CACNA2D1: variants seen among roughly 807,000 people sequenced by gnomAD.
The protein encoded by CACNA2D1 is calcium voltage-gated channel auxiliary subunit alpha2delta 1, also known as voltage-dependent calcium channel subunit alpha-2/delta-1.
Under a neutral mutation model 171.5 loss-of-function variants are expected in CACNA2D1, and 53 were observed. The ratio of observed to expected loss-of-function variants is 0.31; its 90% CI spans 0.25 to 0.39. The LOEUF (loss-of-function observed/expected upper bound fraction) is 0.39. Among genes scored for constraint, CACNA2D1 ranks in the 10% least tolerant of loss-of-function variants. CACNA2D1 has a pLI of 1.00. For missense variants in CACNA2D1, 903 were observed against 1,299.8 expected (o/e 0.69, Z 4.69); for synonymous variants, 442 against 443.1 (o/e 1.00, Z 0.03).
intron 6 of CACNA2D1, among the ~76,000 whole-genome samples, chr7:82,088,245 T>G (rs917514940): frequency 6.6e-6 from 1 of 152,156 alleles, no homozygotes; most frequent in Non-Finnish European, 1.5e-5. Flanking sequence ...TAGACAGTAT[T>G]TTTAGTCTCT....
chr7:82,245,258 T>A (rs749106592), intron 3 of CACNA2D1, among the ~76,000 whole-genome samples: 47 of 152,204 alleles, frequency 3.1e-4, no homozygotes, highest in Non-Finnish European at 2.4e-4. Context: ...GTCTACTGTC[T>A]TCCTCACATC....
intron 6 of CACNA2D1, among the ~76,000 whole-genome samples, chr7:82,092,905 A>C (rs930617940): frequency 6.6e-6 from 1 of 152,140 alleles, no homozygotes; most frequent in Non-Finnish European, 1.5e-5. Context: ...AAAACATCAG[A>C]AACTCTGAGA....
At chr7:82,036,380 A>G (rs1803289780) in intron 11 of CACNA2D1, among the ~76,000 whole-genome samples, 1 of 152,086 alleles carries the variant, frequency 6.6e-6, no homozygotes, top group South Asian at 2.1e-4. Flanking sequence ...GCCATCTGCA[A>G]TTTTTTACTG....
At chr7:82,152,022 TAAG>T (rs923590809) in intron 4 of CACNA2D1, among the ~76,000 whole-genome samples, 1 of 151,950 alleles carries the variant, frequency 6.6e-6, no homozygotes, top group Admixed American at 6.6e-5. Context: ...TAGAAACACA[TAAG>T]AAGAACAAGT....
chr7:82,091,878 C>T (rs931560652), intron 6 of CACNA2D1, among the ~76,000 whole-genome samples: 8 of 152,130 alleles, frequency 5.3e-5, no homozygotes, highest in African/African-American at 1.9e-4. Context: ...TGCTTCTGTT[C>T]TATTCGTCTA....
intron 6 of CACNA2D1, among the ~76,000 whole-genome samples, chr7:82,091,424 C>A (rs1318467724): frequency 3.9e-5 from 6 of 152,226 alleles, no homozygotes; most frequent in African/African-American, 1.2e-4. Flanking sequence ...CTGGCCTTGC[C>A]CCCTATCACT....
chr7:82,203,754 T>C (rs943740695), intron 3 of CACNA2D1, among the ~76,000 whole-genome samples: 2 of 152,196 alleles, frequency 1.3e-5, no homozygotes, highest in Non-Finnish European at 2.9e-5. Flanking sequence ...GCTCCATTAT[T>C]CATTGACAGA....
intron 6 of CACNA2D1, among the ~76,000 whole-genome samples, chr7:82,103,777 T>C (rs1446543765): frequency 1.3e-5 from 2 of 152,118 alleles, no homozygotes; most frequent in African/African-American, 2.4e-5. Context: ...ATGAGTAAAA[T>C]ATATTTAACT....
At chr7:82,373,494 CT>C (rs1822649824) in intron 1 of CACNA2D1, among the ~76,000 whole-genome samples, 1 of 152,114 alleles carries the variant, frequency 6.6e-6, no homozygotes, top group South Asian at 2.1e-4. Context: ...TCAATTCCCC[CT>C]TTTTAATTGT....
chr7:82,227,393 A>C (rs569093644), intron 3 of CACNA2D1, among the ~76,000 whole-genome samples: 2 of 152,322 alleles, frequency 1.3e-5, no homozygotes, highest in Non-Finnish European at 2.9e-5. Flanking sequence ...CAACTTGGTA[A>C]TGATTTTGGG....
chr7:82,286,133 C>T (rs1029984462), intron 3 of CACNA2D1, among the ~76,000 whole-genome samples: 1 of 152,000 alleles, frequency 6.6e-6, no homozygotes, highest in East Asian at 1.9e-4. Context: ...GCTTATTTAA[C>T]ATTTGTGTGT....
At chr7:82,044,100 G>T (rs1178605449) in intron 10 of CACNA2D1, among the ~76,000 whole-genome samples, 1 of 152,082 alleles carries the variant, frequency 6.6e-6, no homozygotes, top group Non-Finnish European at 1.5e-5. Flanking sequence ...GCCCAGACTG[G>T]TTTCGAATTC....
At chr7:82,432,823 C>A (rs1829809008) in intron 1 of CACNA2D1, among the ~76,000 whole-genome samples, 2 of 152,128 alleles carry the variant, frequency 1.3e-5, no homozygotes, top group African/African-American at 4.8e-5. Context: ...ACTATTTGTT[C>A]TTTTATCTGT....
At chr7:82,431,814 G>A (rs1829705860) in intron 1 of CACNA2D1, among the ~76,000 whole-genome samples, 1 of 151,844 alleles carries the variant, frequency 6.6e-6, no homozygotes, top group Non-Finnish European at 1.5e-5. Context: ...TGAGGTGGGT[G>A]GATTACTGAG....
At chr7:82,228,778 C>T (rs2129272221) in intron 3 of CACNA2D1, among the ~76,000 whole-genome samples, 1 of 152,166 alleles carries the variant, frequency 6.6e-6, no homozygotes, top group Non-Finnish European at 1.5e-5. Flanking sequence ...ATTTTCTACC[C>T]TTTGCTCTAA....
chr7:82,229,002 T>C lies in CACNA2D1; in HGVS notation c.295-58393A>G, dbSNP rs913304095. On this transcript the variant is annotated intron_variant, in intron 3 of 38. Coordinates refer to ENST00000356860, the MANE Select transcript of CACNA2D1 (RefSeq NM_000722.4). ...AGCTTGAGAATGACTATTCCATATA[T>C]GTCACAGAAAATCTTGGCTTTTTAA... 3.3e-5 allele frequency among the ~76,000 whole-genome samples: 5 copies of C among 152,168 alleles called. No individual in the cohort carries two copies. In the East Asian group the frequency reaches 9.6e-4, roughly 29 times the overall value.
intron 3 of CACNA2D1, among the ~76,000 whole-genome samples, chr7:82,174,149 T>C (rs1482635942): frequency 2.2e-5 from 3 of 134,590 alleles, no homozygotes; most frequent in South Asian, 5.1e-4. Flanking sequence ...AAGTATATCC[T>C]GTAACAATAA....
chr7:82,116,621 G>C (rs1379991612), intron 6 of CACNA2D1, among the ~76,000 whole-genome samples: 1 of 152,160 alleles, frequency 6.6e-6, no homozygotes, highest in Non-Finnish European at 1.5e-5. Flanking sequence ...GACATGAGAA[G>C]TCATAAGAAC....
At chr7:82,033,618 A>T (rs1023450026) in intron 11 of CACNA2D1, among the ~76,000 whole-genome samples, 2 of 152,030 alleles carry the variant, frequency 1.3e-5, no homozygotes, top group Admixed American at 1.3e-4. Flanking sequence ...GCTGATACCT[A>T]TTCCCAGGAT....
Sources: gnomAD v4.1 joint callset for allele counts (sites outside exome capture counted in the v4.1 genomes callset) on GRCh38, gnomAD v4.1.1 for gene constraint, MANE v1.5 for transcripts, NCBI Gene and HGNC (gene_info 2026-07-23, HGNC 2026-07-21) for gene names.